Variants in IL1R2 observed in about 807,000 individuals in gnomAD.
IL1R2 encodes interleukin-1 receptor type 2.
A neutral mutation model predicts 39.5 loss-of-function variants in IL1R2; 46 were observed. The ratio of observed to expected loss-of-function variants is 1.16; its 90% CI spans 0.92 to 1.49. IL1R2 has a LOEUF of 1.49. IL1R2 is among the 40% of genes most tolerant of loss of function. The probability of loss-of-function intolerance (pLI) is 0.00; values close to 1 mark genes in which losing one functional copy is unlikely to be tolerated. For synonymous variants in IL1R2, 207 were observed against 189.6 expected, an observed-to-expected ratio of 1.09 and a Z score of -0.75; for missense variants, 537 against 502.0, an observed-to-expected ratio of 1.07 and a Z score of -0.67.
At chr2:102,002,930 CTGTCTG>C (rs144552488) in intron 1 of IL1R2, among the ~76,000 whole-genome samples, 25,383 of 145,342 alleles carry the variant, frequency 0.17, 2,766 homozygotes, top group East Asian at 0.32. Flanking sequence ...ATGTATATCT[CTGTCTG>C]TGTCTGTGTC....
chr2:102,028,115 T>A (rs527625742), intron 8 of IL1R2, 111 bp from the exon 9 acceptor site: 2 of 893,626 alleles, frequency 2.2e-6, no homozygotes, highest in East Asian at 5.5e-5. Context: ...TGCACATTTA[T>A]CAAGAAAAAC....
chr2:102,005,412 T>C (rs1486026826), intron 1 of IL1R2, among the ~76,000 whole-genome samples: 3 of 152,194 alleles, frequency 2.0e-5, no homozygotes, highest in South Asian at 4.1e-4. Context: ...GGGATCTTTT[T>C]ATAAACTCTG....
chr2:102,021,057 C>T (rs999558148), intron 5 of IL1R2, among the ~76,000 whole-genome samples: 2 of 152,118 alleles, frequency 1.3e-5, no homozygotes, highest in African/African-American at 4.8e-5. Context: ...CCTGGATGCC[C>T]CAGCTCCATA....
At chr2:102,025,800 G>A (rs1677710434) in intron 7 of IL1R2, among the ~76,000 whole-genome samples, 1 of 151,096 alleles carries the variant, frequency 6.6e-6, no homozygotes, top group Admixed American at 6.6e-5. Flanking sequence ...TCCCATGACT[G>A]TTTTTTTTTG....
intron 7 of IL1R2, among the ~76,000 whole-genome samples, chr2:102,024,977 C>T (rs552997144): frequency 1.3e-5 from 2 of 152,194 alleles, no homozygotes; most frequent in Admixed American, 1.3e-4. Flanking sequence ...CATATCTTTC[C>T]ATTTTCCACT....
intron 1 of IL1R2, among the ~76,000 whole-genome samples, chr2:102,004,026 T>TCTATGTCTATGTCTATGTCTATGC (rs1559414204): frequency 2.1e-5 from 3 of 145,136 alleles, no homozygotes; most frequent in Admixed American, 6.7e-5. Context: ...TATGTCTATG[T>TCTATGTCTATGTCTATGTCTATGC]CTATGTCTAT....
chr2:102,001,842 G>A (rs1675876128), intron 1 of IL1R2: 2 of 152,064 alleles, frequency 1.3e-5, no homozygotes, highest in South Asian at 4.2e-4. Flanking sequence ...TACGACATGC[G>A]TAAAACATGT....
At chr2:101,992,322 C>CAG (rs1209572843) in intron 1 of IL1R2, among the ~76,000 whole-genome samples, 2 of 80,962 alleles carry the variant, frequency 2.5e-5, no homozygotes, top group Non-Finnish European at 4.4e-5. Flanking sequence ...AAGACAGAGA[C>CAG]AGAGAGAGGC....
At chr2:102,019,165 TC>T (rs1445011299) in intron 4 of IL1R2, among the ~76,000 whole-genome samples, 2 of 152,176 alleles carry the variant, frequency 1.3e-5, no homozygotes, top group Non-Finnish European at 2.9e-5. Context: ...ATTTAGTTTT[TC>T]TTATAACAGA....
At chr2:102,010,875 C>T (rs2150437256) in intron 3 of IL1R2, among the ~76,000 whole-genome samples, 1 of 152,178 alleles carries the variant, frequency 6.6e-6, no homozygotes, top group East Asian at 1.9e-4. Context: ...ACTCTGAACC[C>T]ATTAAACAAT....
At chr2:102,002,217 A>G (rs1473728615) in intron 1 of IL1R2, among the ~76,000 whole-genome samples, 1 of 152,234 alleles carries the variant, frequency 6.6e-6, no homozygotes, top group Non-Finnish European at 1.5e-5. Flanking sequence ...AAGTATTCAG[A>G]GGTGAAGTTT....
At chr2:101,995,167 T>C (rs1675525804) in intron 1 of IL1R2, among the ~76,000 whole-genome samples, 1 of 152,220 alleles carries the variant, frequency 6.6e-6, no homozygotes, top group East Asian at 1.9e-4. Context: ...TGGGTGGGCC[T>C]GACATAGTCA....
intron 1 of IL1R2, among the ~76,000 whole-genome samples, chr2:102,006,555 C>T (rs1676274059): frequency 6.6e-6 from 1 of 152,142 alleles, no homozygotes; most frequent in Non-Finnish European, 1.5e-5. Context: ...CAAGTCATTC[C>T]CAGAGATATC....
rs3218880 is a variant in IL1R2, at chr2:102,013,207, C to T, written c.333-2664C>T. Among the ~76,000 whole-genome samples the T allele has an allele frequency of 6.2e-3, 944 of 152,052 alleles. 10 individuals carry two copies. Among genetic ancestry groups the T allele is most frequent in the African/African-American group, 0.022 (900 of 41,460 alleles). On this transcript the variant is annotated intron_variant, in intron 3 of 8. Transcript: ENST00000332549. ...TGAGATTGAGGGGGCAGTGGAAATC[C>T]CAGTGTATGTCAAACTTTCTTTGCA...
At chr2:102,019,521 A>G in intron 4 of IL1R2, 117 bp from the exon 5 acceptor site, 1 of 745,568 alleles carries the variant, frequency 1.3e-6, no homozygotes, top group Non-Finnish European at 2.2e-6. Flanking sequence ...GGCAAAGTAA[A>G]TACCAGGACA....
At position 102,009,547 on chromosome 2, in the gene IL1R2, C is replaced by G. The variant is rs747288404; in HGVS notation, c.68-15C>G. ...TTTGGACCCAAAGCCTGACCATGGGCTCTCTGTCCTTCAGGGGCTGCCAGA... is the reference window on the plus strand; with the variant it reads ...TTTGGACCCAAAGCCTGACCATGGGGTCTCTGTCCTTCAGGGGCTGCCAGA... On this transcript the variant is annotated splice_polypyrimidine_tract_variant and intron_variant, in intron 2 of 8. Coordinates refer to ENST00000332549, the MANE Select transcript of IL1R2 (RefSeq NM_004633.4). 7 of 1,611,812 alleles carry G rather than the reference C, an allele frequency of 4.3e-6. No individual in the cohort carries two copies. The highest frequency in any genetic ancestry group is 5.9e-6 in the Non-Finnish European group (7 of 1,178,706).
chr2:101,999,531 G>A (rs1056964981), intron 1 of IL1R2, among the ~76,000 whole-genome samples: 7 of 152,216 alleles, frequency 4.6e-5, no homozygotes, highest in Non-Finnish European at 8.8e-5. Context: ...TTTAGAAACT[G>A]AAGCTGTATC....
chr2:101,997,033 T>A (rs1467606938), intron 1 of IL1R2, among the ~76,000 whole-genome samples: 1 of 152,104 alleles, frequency 6.6e-6, no homozygotes, highest in Admixed American at 6.6e-5. Context: ...AGCACCTTCT[T>A]CTAGCCAGGA....
intron 3 of IL1R2, among the ~76,000 whole-genome samples, chr2:102,015,388 C>T (rs767762734): frequency 5.8e-4 from 89 of 152,190 alleles, no homozygotes; most frequent in Non-Finnish European, 9.6e-4. Context: ...CCCAAGTGTT[C>T]GAAAAGATCA....
Sources: gnomAD v4.1 joint callset for allele counts (sites outside exome capture counted in the v4.1 genomes callset) on GRCh38, gnomAD v4.1.1 for gene constraint, MANE v1.5 for transcripts, NCBI Gene and HGNC (gene_info 2026-07-23, HGNC 2026-07-21) for gene names.